BCAS4: variants seen among roughly 807,000 people sequenced by gnomAD.
BCAS4 encodes breast carcinoma-amplified sequence 4.
In BCAS4, 9 loss-of-function variants were observed where a neutral mutation model predicts 15.7. That is an observed-to-expected ratio of 0.57 (90% CI 0.34 to 1.00). The LOEUF is 1.00. BCAS4 is among the 50% of genes least tolerant of loss of function. BCAS4 has a pLI of 0.02. For missense variants in BCAS4, 225 were observed against 239.1 expected, an observed-to-expected ratio of 0.94 and a Z score of 0.39; for synonymous variants, 101 against 99.5, an observed-to-expected ratio of 1.02 and a Z score of -0.09.
chr20:50,882,406 G>A, the BCAS4 span: 1 of 152,182 alleles, frequency 6.6e-6, no homozygotes, highest in Non-Finnish European at 1.5e-5. Context: ...TTGTAAAAAT[G>A]GGTTAAGAGT....
At chr20:50,849,545 G>C (rs1423914023) in intron 4 of BCAS4, among the ~76,000 whole-genome samples, 1 of 152,204 alleles carries the variant, frequency 6.6e-6, no homozygotes, top group Non-Finnish European at 1.5e-5. Context: ...CAGTTGCAGC[G>C]CTCCCAGGGT....
At chr20:50,875,014 A>G (rs910452401) in intron 4 of BCAS4, among the ~76,000 whole-genome samples, 3 of 152,146 alleles carry the variant, frequency 2.0e-5, no homozygotes, top group African/African-American at 7.2e-5. Flanking sequence ...ACCGGCTCCA[A>G]CCAGGAGCAG....
At chr20:50,877,521 C>T (rs543935784), downstream of BCAS4, 1 of 152,404 alleles carries the variant, frequency 6.6e-6, no homozygotes, top group East Asian at 1.9e-4. Flanking sequence ...CACATAATTC[C>T]CCTATGCACA....
intron 4 of BCAS4, among the ~76,000 whole-genome samples, chr20:50,845,512 G>C (rs1429061740): frequency 6.6e-6 from 1 of 152,112 alleles, no homozygotes; most frequent in Non-Finnish European, 1.5e-5. Flanking sequence ...CTTCTCCCGG[G>C]GCCTGTTCCA....
At chr20:50,798,366 A>G (rs899811467) in intron 1 of BCAS4, among the ~76,000 whole-genome samples, 4 of 152,040 alleles carry the variant, frequency 2.6e-5, no homozygotes, top group African/African-American at 4.8e-5. Context: ...ATTAATTTCA[A>G]TATATTTAAA....
chr20:50,874,260 C>T (rs975656435), intron 4 of BCAS4, among the ~76,000 whole-genome samples: 8 of 152,194 alleles, frequency 5.3e-5, no homozygotes, highest in Admixed American at 1.3e-4. Flanking sequence ...TCCCTGTCTA[C>T]GCGCTGATCC....
At chr20:50,873,415 C>T (rs540939800) in intron 4 of BCAS4, among the ~76,000 whole-genome samples, 5 of 152,184 alleles carry the variant, frequency 3.3e-5, no homozygotes, top group East Asian at 3.9e-4. Flanking sequence ...GAAGAAGGGC[C>T]GTGTCTTTTC....
At chr20:50,795,020 GAGGCCCGGGCGCAACCACGGGCTCCC>G, upstream of BCAS4, 2 of 1,395,854 alleles carry the variant, frequency 1.4e-6, no homozygotes, top group Non-Finnish European at 1.9e-6. Flanking sequence ...GCGGGGCTCC[GAGGCCCGGGCGCAACCACGGGCTCCC>G]AGGCAGCCTC....
intron 4 of BCAS4, among the ~76,000 whole-genome samples, chr20:50,864,774 G>A (rs535024041): frequency 5.4e-4 from 82 of 152,102 alleles, no homozygotes; most frequent in African/African-American, 1.7e-3. Context: ...TGCATCTGCC[G>A]CCTTCTGTGT....
rs116713588 is a variant in BCAS4, at chr20:50,876,937, G to A, written c.*329G>A. Reference sequence around the variant, plus strand: ...CACGTGTGGTGATGCCTCCCACATCGGCCTGCTTGGGGTTCTACAGGGGTT... The same window carrying A: ...CACGTGTGGTGATGCCTCCCACATCAGCCTGCTTGGGGTTCTACAGGGGTT... On this transcript the variant is annotated 3_prime_UTR_variant, in exon 5 of 5. Coordinates refer to ENST00000371608, the MANE Select transcript of BCAS4 (RefSeq NM_198799.4). 3,671 of 191,048 alleles carry A rather than the reference G, an allele frequency of 0.019. 127 individuals are homozygous for A. Among genetic ancestry groups the A allele is most frequent in the African/African-American group, 0.076 (3,232 of 42,292 alleles). The allele number at this position is 191,048 out of a possible 1,614,324, so 11.8% of individuals were successfully genotyped here.
intron 3 of BCAS4, chr20:50,840,852 G>C: frequency 1.1e-6 from 1 of 883,816 alleles, no homozygotes; most frequent in Non-Finnish European, 1.9e-6. Flanking sequence ...TTTTTGAGAC[G>C]GAGTTTCACT....
intron 2 of BCAS4, among the ~76,000 whole-genome samples, chr20:50,821,434 A>G (rs1382559094): frequency 1.3e-5 from 2 of 152,154 alleles, no homozygotes; most frequent in Non-Finnish European, 2.9e-5. Flanking sequence ...TGGCCCCTAG[A>G]GGTTCATGCT....
At chr20:50,873,667 A>G (rs1221857772) in intron 4 of BCAS4, among the ~76,000 whole-genome samples, 2 of 152,272 alleles carry the variant, frequency 1.3e-5, no homozygotes, top group Admixed American at 6.5e-5. Flanking sequence ...CAGTGCCATC[A>G]GGGGGACGTG....
chr20:50,834,652 T>C (rs6020785), intron 3 of BCAS4, among the ~76,000 whole-genome samples: 12,693 of 152,222 alleles, frequency 0.083, 851 homozygotes, highest in African/African-American at 0.18. Flanking sequence ...GGTGATACAA[T>C]AATAAGCACT....
chr20:50,796,027 G>A (rs2087852237), intron 1 of BCAS4, among the ~76,000 whole-genome samples: 1 of 151,788 alleles, frequency 6.6e-6, no homozygotes, highest in Non-Finnish European at 1.5e-5. Flanking sequence ...GAGTGAGGCT[G>A]CAGTGAGGCT....
At chr20:50,800,705 G>T (rs1407458010) in intron 1 of BCAS4, among the ~76,000 whole-genome samples, 1 of 151,914 alleles carries the variant, frequency 6.6e-6, no homozygotes. Flanking sequence ...AGGATTACAG[G>T]TATGCACTAC....
intron 3 of BCAS4, chr20:50,840,735 G>A (rs902806635): frequency 9.3e-6 from 15 of 1,611,406 alleles, no homozygotes; most frequent in Admixed American, 5.0e-5. Flanking sequence ...CAGCCATATC[G>A]GATTTGTCAG....
chr20:50,800,852 G>A (rs1210515379), intron 1 of BCAS4, among the ~76,000 whole-genome samples: 2 of 152,040 alleles, frequency 1.3e-5, no homozygotes, highest in East Asian at 1.9e-4. Flanking sequence ...ATGAGCCACC[G>A]CGCCTGGCGA....
At chr20:50,848,890 C>T (rs1457050932) in intron 4 of BCAS4, among the ~76,000 whole-genome samples, 1 of 152,278 alleles carries the variant, frequency 6.6e-6, no homozygotes, top group African/African-American at 2.4e-5. Flanking sequence ...CCAGGTCTTC[C>T]AGACAAATGT....
Sources: allele counts gnomAD v4.1 joint callset (sites outside exome capture counted in the v4.1 genomes callset), GRCh38; gene constraint gnomAD v4.1.1; transcripts MANE v1.5; gene names NCBI Gene and HGNC (gene_info 2026-07-23, HGNC 2026-07-21).